Variants in RERE observed in about 807,000 individuals in gnomAD.
RERE encodes the protein arginine-glutamic acid dipeptide repeats protein.
In RERE, 40 loss-of-function variants were observed where a neutral mutation model predicts 146.1. The observed-to-expected ratio is 0.27, with a 90% CI of 0.21 to 0.36. The LOEUF (loss-of-function observed/expected upper bound fraction) is 0.36. Among genes scored for constraint, RERE ranks in the 10% least tolerant of loss-of-function variants. The pLI is 1.00. For missense variants in RERE, 1,933 were observed against 2,138.7 expected (o/e 0.90, Z 1.90); for synonymous variants, 1,003 against 866.0 (o/e 1.16, Z -2.78).
At chr1:8,789,300 AAATAT>A (rs1445088564) in intron 1 of RERE, among the ~76,000 whole-genome samples, 1 of 99,654 alleles carries the variant, frequency 1.0e-5, no homozygotes, top group African/African-American at 4.6e-5. Flanking sequence ...AAAAAAAAAA[AAATAT>A]ATATATATAT....
intron 12 of RERE, among the ~76,000 whole-genome samples, chr1:8,398,025 C>A (rs989793292): frequency 4.6e-5 from 7 of 152,320 alleles, no homozygotes; most frequent in Admixed American, 2.6e-4. Context: ...TAAGACAATG[C>A]AGAGCCAGAG....
intron 1 of RERE, among the ~76,000 whole-genome samples, chr1:8,664,417 T>C (rs763094173): frequency 1.2e-4 from 19 of 152,074 alleles, no homozygotes; most frequent in Non-Finnish European, 2.8e-4. Flanking sequence ...ACCAATCAGA[T>C]ACCAGGACAC....
chr1:8,537,004 A>ACTCTATTTC (rs1645734941), intron 7 of RERE, among the ~76,000 whole-genome samples: 2 of 152,040 alleles, frequency 1.3e-5, no homozygotes, highest in Admixed American at 1.3e-4. Flanking sequence ...GGATTTAGAG[A>ACTCTATTTC]CCAGCCTGGG....
intron 7 of RERE, chr1:8,525,719 C>T (rs752704242): frequency 3.8e-6 from 6 of 1,566,916 alleles, no homozygotes. Flanking sequence ...AGCAGCAAAA[C>T]CCATCACTGT....
chr1:8,398,064 A>C (rs554285549), intron 12 of RERE, among the ~76,000 whole-genome samples: 3 of 152,244 alleles, frequency 2.0e-5, no homozygotes, highest in African/African-American at 7.2e-5. Context: ...ATGATGTTCT[A>C]CAGGGGTATT....
chr1:8,729,377 AC>A, intron 1 of RERE, among the ~76,000 whole-genome samples: 1 of 148,724 alleles, frequency 6.7e-6, no homozygotes, highest in South Asian at 2.2e-4. Flanking sequence ...GGCACGTGCC[AC>A]CATGCCTGGC....
intron 4 of RERE, among the ~76,000 whole-genome samples, chr1:8,585,902 T>C (rs1646421931): frequency 6.6e-6 from 1 of 152,324 alleles, no homozygotes; most frequent in African/African-American, 2.4e-5. Context: ...CTTACAATTT[T>C]GAAAATCTCA....
At chr1:8,451,471 G>A (rs147596051) in intron 11 of RERE, among the ~76,000 whole-genome samples, 5 of 151,956 alleles carry the variant, frequency 3.3e-5, no homozygotes, top group African/African-American at 7.2e-5. Flanking sequence ...TCAACATCCC[G>A]ACCTCCCACC....
chr1:8,450,188 C>CCAACACCT (rs1442242159), intron 11 of RERE, among the ~76,000 whole-genome samples: 2 of 152,096 alleles, frequency 1.3e-5, no homozygotes, highest in South Asian at 4.1e-4. Flanking sequence ...TATTCTACAG[C>CCAACACCT]CAACACTTGA....
At chr1:8,700,549 C>T (rs190081636) in intron 1 of RERE, among the ~76,000 whole-genome samples, 2 of 152,266 alleles carry the variant, frequency 1.3e-5, no homozygotes, top group East Asian at 1.9e-4. Context: ...TGAGCAGACA[C>T]GTCTAAAAGC....
intron 1 of RERE, among the ~76,000 whole-genome samples, chr1:8,672,675 T>G (rs997317777): frequency 6.6e-6 from 1 of 152,210 alleles, no homozygotes; most frequent in Non-Finnish European, 1.5e-5. Flanking sequence ...CACTTAAAAT[T>G]ACTACTGCAG....
chr1:8,362,987 C>A, intron 15 of RERE, 143 bp from the exon 16 acceptor site: 1 of 813,358 alleles, frequency 1.2e-6, no homozygotes, highest in South Asian at 1.8e-5. Flanking sequence ...CAACAGGCCG[C>A]CCTGCCTGTC....
At chr1:8,461,977 TG>T (rs1347877040) in intron 11 of RERE, among the ~76,000 whole-genome samples, 1 of 152,072 alleles carries the variant, frequency 6.6e-6, no homozygotes, top group Non-Finnish European at 1.5e-5. Context: ...CCCAAGTAAC[TG>T]GGACTACAGG....
At chr1:8,759,274 G>A (rs1484521972) in intron 1 of RERE, among the ~76,000 whole-genome samples, 1 of 152,100 alleles carries the variant, frequency 6.6e-6, no homozygotes, top group African/African-American at 2.4e-5. Context: ...TTTTATATGA[G>A]AAAATTACTA....
chr1:8,417,102 A>G (rs1212555916), intron 12 of RERE, among the ~76,000 whole-genome samples: 7 of 152,260 alleles, frequency 4.6e-5, no homozygotes, highest in African/African-American at 1.4e-4. Context: ...GTTATGCAAC[A>G]TTAGATTAAG....
intron 1 of RERE, among the ~76,000 whole-genome samples, chr1:8,721,151 C>G (rs1264936104): frequency 2.0e-5 from 3 of 152,158 alleles, no homozygotes; most frequent in Non-Finnish European, 2.9e-5. Context: ...AAAACTTGGA[C>G]AGTTAACACT....
intron 4 of RERE, among the ~76,000 whole-genome samples, chr1:8,607,535 T>TTTTTTTTTC (rs1646734659): frequency 2.1e-4 from 3 of 14,422 alleles, no homozygotes; most frequent in Admixed American, 1.5e-3. Context: ...TATATATTTC[T>TTTTTTTTTC]TTTTTTTTTT....
At chr1:8,466,848 G>A (rs995985118) in intron 10 of RERE, among the ~76,000 whole-genome samples, 3 of 151,998 alleles carry the variant, frequency 2.0e-5, no homozygotes, top group African/African-American at 7.3e-5. Flanking sequence ...TTCCCACCTC[G>A]CAAAGATGCT....
At chr1:8,470,320 T>C (rs529182438) in intron 10 of RERE, among the ~76,000 whole-genome samples, 1 of 152,172 alleles carries the variant, frequency 6.6e-6, no homozygotes, top group Non-Finnish European at 1.5e-5. Flanking sequence ...TGGAGTGCAG[T>C]GGCGTGATCT....
Sources: allele counts gnomAD v4.1 joint callset (sites outside exome capture counted in the v4.1 genomes callset), GRCh38; gene constraint gnomAD v4.1.1; transcripts MANE v1.5; gene names NCBI Gene and HGNC (gene_info 2026-07-23, HGNC 2026-07-21).